TBC1D5: variants seen among roughly 807,000 people sequenced by gnomAD.
The protein encoded by TBC1D5 is TBC1 domain family, member 5.
Under a neutral mutation model 100.3 loss-of-function variants are expected in TBC1D5, and 75 were observed. The ratio of observed to expected loss-of-function variants is 0.75; its 90% CI spans 0.62 to 0.91. The LOEUF (loss-of-function observed/expected upper bound fraction) is 0.91. Ranked by LOEUF, TBC1D5 falls within the 40% of genes least tolerant of loss-of-function variation. The pLI is 0.00. For missense variants in TBC1D5, 910 were observed against 942.4 expected (o/e 0.97, Z 0.45); for synonymous variants, 323 against 325.6 (o/e 0.99, Z 0.09).
At chr3:17,662,081 G>A (rs1296116089) in intron 1 of TBC1D5, among the ~76,000 whole-genome samples, 1 of 151,996 alleles carries the variant, frequency 6.6e-6, no homozygotes, top group Non-Finnish European at 1.5e-5. Flanking sequence ...GTAGAGACAG[G>A]GTCTCGCTAC....
chr3:17,475,570 C>T (rs1198432478), intron 3 of TBC1D5, among the ~76,000 whole-genome samples: 2 of 152,122 alleles, frequency 1.3e-5, no homozygotes, highest in East Asian at 1.9e-4. Flanking sequence ...TTTCTCTACC[C>T]TAAATCAAAA....
At chr3:17,235,829 G>C (rs2075811127) in intron 17 of TBC1D5, among the ~76,000 whole-genome samples, 1 of 151,624 alleles carries the variant, frequency 6.6e-6, no homozygotes, top group Non-Finnish European at 1.5e-5. Flanking sequence ...TTTGCCTTTT[G>C]TTTTATCCAT....
intron 1 of TBC1D5, among the ~76,000 whole-genome samples, chr3:17,693,810 T>G (rs1319907155): frequency 6.6e-6 from 1 of 152,176 alleles, no homozygotes; most frequent in Non-Finnish European, 1.5e-5. Context: ...GTAGCCAAAC[T>G]GGGAGACACC....
At chr3:17,649,181 A>C (rs13071728) in intron 1 of TBC1D5, among the ~76,000 whole-genome samples, 86,863 of 151,986 alleles carry the variant, frequency 0.57, 25,644 homozygotes, top group East Asian at 0.99. Context: ...TTTTGTGGGA[A>C]CATGGATGGA....
intron 15 of TBC1D5, among the ~76,000 whole-genome samples, chr3:17,281,770 C>A (rs1457969358): frequency 6.6e-6 from 1 of 151,960 alleles, no homozygotes; most frequent in Non-Finnish European, 1.5e-5. Flanking sequence ...GCATTTCTTC[C>A]TATAAAATCA....
intron 2 of TBC1D5, among the ~76,000 whole-genome samples, chr3:17,570,412 G>A (rs921312668): frequency 7.3e-5 from 11 of 151,692 alleles, no homozygotes; most frequent in Non-Finnish European, 8.8e-5. Context: ...CTTGCCTAAC[G>A]TCACACAACT....
chr3:17,725,464 T>A (rs918327454), intron 1 of TBC1D5, among the ~76,000 whole-genome samples: 3 of 152,108 alleles, frequency 2.0e-5, no homozygotes, highest in Non-Finnish European at 4.4e-5. Flanking sequence ...GGGTTTTAAT[T>A]TTGGTTCGCT....
chr3:17,258,242 C>T (rs1212618244), intron 16 of TBC1D5, among the ~76,000 whole-genome samples: 1 of 152,064 alleles, frequency 6.6e-6, no homozygotes, highest in South Asian at 2.1e-4. Context: ...ACAATTTATG[C>T]AAGTTTATTC....
intron 13 of TBC1D5, among the ~76,000 whole-genome samples, chr3:17,331,555 C>A (rs1376807689): frequency 6.6e-6 from 1 of 152,056 alleles, no homozygotes; most frequent in African/African-American, 2.4e-5. Flanking sequence ...GTGTTCATTC[C>A]CAAATGTTTA....
intron 1 of TBC1D5, among the ~76,000 whole-genome samples, chr3:17,700,415 A>G (rs2072975078): frequency 6.6e-6 from 1 of 152,220 alleles, no homozygotes; most frequent in African/African-American, 2.4e-5. Context: ...GGACATAGGC[A>G]TGGGCAAGGA....
chr3:17,355,438 G>A (rs919421971), intron 13 of TBC1D5, among the ~76,000 whole-genome samples: 1 of 152,116 alleles, frequency 6.6e-6, no homozygotes, highest in Non-Finnish European at 1.5e-5. Context: ...GGGTGAATTA[G>A]TATCTTGTAG....
intron 3 of TBC1D5, among the ~76,000 whole-genome samples, chr3:17,447,032 T>C (rs1024387861): frequency 6.6e-6 from 1 of 151,766 alleles, no homozygotes; most frequent in Admixed American, 6.6e-5. Flanking sequence ...GAAAATTGTA[T>C]CACTGAAGCT....
At chr3:17,584,263 G>A (rs2096718691) in intron 2 of TBC1D5, among the ~76,000 whole-genome samples, 1 of 152,218 alleles carries the variant, frequency 6.6e-6, no homozygotes, top group Non-Finnish European at 1.5e-5. Context: ...AAACTCGACA[G>A]AGGTGGAAGG....
chr3:17,690,012 G>C (rs545021185), intron 1 of TBC1D5, among the ~76,000 whole-genome samples: 1 of 152,122 alleles, frequency 6.6e-6, no homozygotes, highest in Admixed American at 6.6e-5. Flanking sequence ...ATGAATAAAA[G>C]AATTGTTGCT....
intron 3 of TBC1D5, among the ~76,000 whole-genome samples, chr3:17,486,479 G>A (rs183870265): frequency 6.8e-4 from 104 of 152,224 alleles, no homozygotes; most frequent in Admixed American, 4.5e-3. Context: ...TAGGTCTAAC[G>A]TTTCAGTCTT....
intron 15 of TBC1D5, among the ~76,000 whole-genome samples, chr3:17,274,159 T>C (rs979031066): frequency 1.6e-4 from 24 of 152,258 alleles, no homozygotes; most frequent in African/African-American, 5.5e-4. Flanking sequence ...TTAAAAAACA[T>C]ATACATAGGT....
chr3:17,732,446 C>T lies in TBC1D5; in HGVS notation c.-101+6897G>A, dbSNP rs1197211680. Among the ~76,000 whole-genome samples the T allele has an allele frequency of 1.3e-5, 2 of 151,460 alleles. 1 individual carries two copies. Among genetic ancestry groups the T allele is most frequent in the South Asian group, 4.2e-4 (2 of 4,776 alleles). The stretch of plus-strand genomic sequence containing the variant: ...TATTCTATAATTTTCTGGCTGGGCA[C>T]GGTGGCTCACGCCTGTAATCTCAGC... On this transcript the variant is annotated intron_variant, in intron 1 of 21. Coordinates refer to ENST00000253692, the Ensembl canonical transcript of TBC1D5.
At chr3:17,170,810 A>G (rs977413019) in intron 19 of TBC1D5, among the ~76,000 whole-genome samples, 1 of 152,184 alleles carries the variant, frequency 6.6e-6, no homozygotes, top group Non-Finnish European at 1.5e-5. Flanking sequence ...CCCTGGCATC[A>G]TCTTGGCAGG....
At chr3:17,420,758 GA>G (rs1235129726) in intron 4 of TBC1D5, among the ~76,000 whole-genome samples, 1 of 152,128 alleles carries the variant, frequency 6.6e-6, no homozygotes, top group African/African-American at 2.4e-5. Context: ...TTTCAACTGG[GA>G]ACACCAGCAG....
Sources: allele counts gnomAD v4.1 joint callset (sites outside exome capture counted in the v4.1 genomes callset), GRCh38; gene constraint gnomAD v4.1.1; transcripts MANE v1.5; gene names NCBI Gene and HGNC (gene_info 2026-07-23, HGNC 2026-07-21).